PEDS1: variants seen among roughly 807,000 people sequenced by gnomAD.
PEDS1 encodes CarF homolog.
In PEDS1, 14 loss-of-function variants were observed where a neutral mutation model predicts 35.2. That is an observed-to-expected ratio of 0.40 (90% CI 0.26 to 0.62). The LOEUF is 0.62. Ranked by LOEUF, PEDS1 falls within the 20% of genes least tolerant of loss-of-function variation. The probability of loss-of-function intolerance (pLI) is 0.44; values close to 1 mark genes in which losing one functional copy is unlikely to be tolerated. For synonymous variants in PEDS1, 152 were observed against 152.0 expected, an observed-to-expected ratio of 1.00 and a Z score of 0.00; for missense variants, 260 against 367.8, an observed-to-expected ratio of 0.71 and a Z score of 2.40.
rs2081171897 is a variant in PEDS1 at position 50,130,956 on chromosome 20, A to G, written c.242-9T>C. ...AATGAGAGCCCCTGCAACTGTGGAC[A>G]AGAGGGTGAGTGAAGGGACATCCCT... On this transcript the variant is annotated splice_polypyrimidine_tract_variant and intron_variant, in intron 2 of 5. Transcript: ENST00000371652. 6.2e-7 allele frequency: 1 copy of G among 1,614,076 alleles called. No homozygotes were observed. Among genetic ancestry groups the G allele is most frequent in the Non-Finnish European group, 8.5e-7 (1 of 1,180,030 alleles).
At chr20:50,145,422 C>T (rs1333886109) in intron 1 of PEDS1, among the ~76,000 whole-genome samples, 1 of 150,360 alleles carries the variant, frequency 6.7e-6, no homozygotes, top group Non-Finnish European at 1.5e-5. Context: ...AGGCCGGGTG[C>T]AGTGTTTCAC....
At chr20:50,146,034 C>T (rs970762533) in intron 1 of PEDS1, among the ~76,000 whole-genome samples, 13 of 152,198 alleles carry the variant, frequency 8.5e-5, no homozygotes, top group Non-Finnish European at 1.8e-4. Flanking sequence ...TGGTCCCTCC[C>T]TCTATTCCCC....
chr20:50,135,434 G>A (rs899565134), intron 2 of PEDS1, among the ~76,000 whole-genome samples: 1 of 151,956 alleles, frequency 6.6e-6, no homozygotes, highest in Non-Finnish European at 1.5e-5. Flanking sequence ...CGAGGCAAGC[G>A]GATCGCCTGA....
rs2081139447 is a variant in PEDS1 at position 50,128,669 on chromosome 20, G to A, written c.479-482C>T. On this transcript the variant is annotated intron_variant, in intron 4 of 5. Coordinates refer to ENST00000371652, the MANE Select transcript of PEDS1 (RefSeq NM_199129.4). The surrounding 1 kb of genome is among the most constrained non-coding windows in gnomAD (Gnocchi z 5.2). ...GAAGGGAGGGAGGGAAGCAAGACAC[G>A]GCAGGGGAAGAGCAGAGCAAAGATG... Among the ~76,000 whole-genome samples the A allele has an allele frequency of 6.6e-6, 1 of 152,190 alleles. No individual in the cohort carries two copies. Among genetic ancestry groups the A allele is most frequent in the African/African-American group, 2.4e-5 (1 of 41,448 alleles).
intron 3 of PEDS1, 101 bp downstream of exon 3, chr20:50,130,755 T>A (rs922846481): frequency 1.4e-6 from 2 of 1,405,124 alleles, no homozygotes; most frequent in African/African-American, 2.8e-5. Flanking sequence ...ATGGTTCCCA[T>A]CTTTCAGATA....
intron 1 of PEDS1, among the ~76,000 whole-genome samples, chr20:50,145,777 A>C (rs1324712121): frequency 2.0e-5 from 3 of 152,246 alleles, no homozygotes; most frequent in African/African-American, 7.2e-5. Context: ...CAGCTGCTCC[A>C]TAAGGCACAG....
At chr20:50,126,050 T>A (rs566508481) in intron 5 of PEDS1, among the ~76,000 whole-genome samples, 1 of 152,282 alleles carries the variant, frequency 6.6e-6, no homozygotes, top group Non-Finnish European at 1.5e-5. Context: ...TTTATAGCCT[T>A]TATGATAACC....
In PEDS1 at chr20:50,121,618, T is replaced by C. The variant is rs1215837545; in HGVS notation, c.*3440A>G. On this transcript the variant is annotated 3_prime_UTR_variant, in exon 6 of 6. Coordinates refer to ENST00000371652, the MANE Select transcript of PEDS1 (RefSeq NM_199129.4). Reference sequence around the variant, plus strand: ...GTTTGCAAGTCCCTGATCTCACAAGTGGCCCCAACACTCTCAGACCCAATG... The same window carrying C: ...GTTTGCAAGTCCCTGATCTCACAAGCGGCCCCAACACTCTCAGACCCAATG... 6.6e-6 allele frequency: 1 copy of C among 152,170 alleles called. No individual in the cohort carries two copies. The highest frequency in any genetic ancestry group is 6.6e-5 in the Admixed American group (1 of 15,262). The allele number at this position is 152,170 out of a possible 1,614,324, so 9.4% of individuals were successfully genotyped here.
rs1392845085 is a variant in PEDS1, at chr20:50,118,520, A to C, written c.*6538T>G. The C allele has an allele frequency of 6.6e-6, 1 of 152,256 alleles. No individual in the cohort carries two copies. Among genetic ancestry groups the C allele is most frequent in the East Asian group, 1.9e-4 (1 of 5,200 alleles). 9.4% of individuals were successfully genotyped at this position (152,256 alleles called of 1,614,324 possible). ...CAAGAAAAATAGGAAAAGGACATGA[A>C]CAGATGAGGAAATGCAAATGCATTT... On this transcript the variant is annotated 3_prime_UTR_variant, in exon 6 of 6. Transcript: ENST00000371652.
intron 3 of PEDS1, among the ~76,000 whole-genome samples, chr20:50,130,023 A>G (rs534746695): frequency 1.3e-5 from 2 of 152,030 alleles, no homozygotes; most frequent in Non-Finnish European, 2.9e-5. Flanking sequence ...CCTCTAAGTA[A>G]AAGGTGGGAC....
At position 50,153,712 on chromosome 20, in the gene PEDS1, A is replaced by G. The variant is rs2081432157; in HGVS notation, c.-75T>C. The G allele has an allele frequency of 1.7e-6, 2 of 1,145,698 alleles. No homozygotes were observed. The highest frequency in any genetic ancestry group is 2.1e-6 in the Non-Finnish European group (2 of 933,602). 71.0% of individuals were successfully genotyped at this position (1,145,698 alleles called of 1,614,324 possible). A position where few individuals can be genotyped will look rare whatever the true frequency, so the allele number is the denominator to read the frequency against. On this transcript the variant is annotated 5_prime_UTR_variant, in exon 1 of 6. Transcript: ENST00000371652. ...AGGGCCGCGGAACCGCGGCGAGATC[A>G]CGCCGCCCAATGACCGCCCAGCGCC...
intron 5 of PEDS1, 58 bp downstream of exon 5, chr20:50,127,917 G>A (rs1201621322): frequency 1.5e-5 from 24 of 1,581,180 alleles, no homozygotes; most frequent in Admixed American, 7.3e-5. Flanking sequence ...TCCTGACCTC[G>A]AAGATGGTGC....
rs1326127134 is a variant in PEDS1, at chr20:50,122,849, T to G, written c.*2209A>C. 2 of 151,686 alleles carry G rather than the reference T, an allele frequency of 1.3e-5. No individual in the cohort carries two copies. The highest frequency in any genetic ancestry group is 4.9e-5 in the African/African-American group (2 of 41,230). 9.4% of individuals were successfully genotyped at this position (151,686 alleles called of 1,614,324 possible). On this transcript the variant is annotated 3_prime_UTR_variant, in exon 6 of 6. Transcript: ENST00000371652. ...CGGTGCAGTGGCTCATACCTAAAAT[T>G]CCAGCACTTTGGAAGGCCAAGGCGG...
In PEDS1 at chr20:50,143,101, C is replaced by T. The variant is rs6020289; in HGVS notation, c.241+401G>A. On this transcript the variant is annotated intron_variant, in intron 2 of 5. Transcript: ENST00000371652. Reference sequence around the variant, plus strand: ...TCCAGCTAGCCATGTGGAGACTGGACGGTGCAGGGCAAAGGTGAAGGCAGG... The same window carrying T: ...TCCAGCTAGCCATGTGGAGACTGGATGGTGCAGGGCAAAGGTGAAGGCAGG... Among the ~76,000 whole-genome samples, 218 of 152,024 alleles carry T rather than the reference C, an allele frequency of 1.4e-3. 2 individuals carry two copies. Among genetic ancestry groups the T allele is most frequent in the African/African-American group, 5.0e-3 (208 of 41,456 alleles).
At position 50,137,732 on chromosome 20, in the gene PEDS1, G is replaced by A. The variant is rs994492944; in HGVS notation, c.241+5770C>T. ...CTAAAAACGCAAAAATTAGCCGGGC[G>A]TGCTGGCGCGCGCTTGTAGTCCCAG... is the stretch of plus-strand genomic sequence containing the variant. On this transcript the variant is annotated intron_variant, in intron 2 of 5. Transcript: ENST00000371652. Among the ~76,000 whole-genome samples the A allele has an allele frequency of 1.1e-4, 16 of 152,204 alleles. 1 individual carries two copies. Among genetic ancestry groups the A allele is most frequent in the Admixed American group, 9.8e-4 (15 of 15,290 alleles).
chr20:50,150,823 G>C (rs949841663), intron 1 of PEDS1, among the ~76,000 whole-genome samples: 2 of 152,098 alleles, frequency 1.3e-5, no homozygotes, highest in Non-Finnish European at 2.9e-5. Flanking sequence ...AGCCTCCTGA[G>C]TAGGTGGGAT....
chr20:50,149,019 G>A (rs1175611620), intron 1 of PEDS1, among the ~76,000 whole-genome samples: 1 of 152,038 alleles, frequency 6.6e-6, no homozygotes, highest in Non-Finnish European at 1.5e-5. Flanking sequence ...AGGCTGAGGC[G>A]GGAGGATCAT....
Position 50,122,304 on chromosome 20 carries a change from G to A in PEDS1, c.*2754C>T, listed in dbSNP as rs2081058300. 1 of 152,192 alleles carries A rather than the reference G, an allele frequency of 6.6e-6. No homozygotes were observed. Among genetic ancestry groups the A allele is most frequent in the African/African-American group, 2.4e-5 (1 of 41,434 alleles). 9.4% of individuals were successfully genotyped at this position (152,192 alleles called of 1,614,324 possible). A position where few individuals can be genotyped will look rare whatever the true frequency, so the allele number is the denominator to read the frequency against. ...TACTTTAAATTTCTGTCATTTATGA[G>A]TTGTCGAATTCTAACACCCTTCCTT... On this transcript the variant is annotated 3_prime_UTR_variant, in exon 6 of 6. Coordinates refer to ENST00000371652, the MANE Select transcript of PEDS1 (RefSeq NM_199129.4).
At chr20:50,140,014 C>G (rs1370094830) in intron 2 of PEDS1, among the ~76,000 whole-genome samples, 1 of 152,176 alleles carries the variant, frequency 6.6e-6, no homozygotes, top group African/African-American at 2.4e-5. Flanking sequence ...CTTAGCTCAA[C>G]AGCGGCCATC....
Sources: allele counts gnomAD v4.1 joint callset (sites outside exome capture counted in the v4.1 genomes callset), GRCh38; gene constraint gnomAD v4.1.1; non-coding constraint Gnocchi (gnomAD v3.1); transcripts MANE v1.5; gene names NCBI Gene and HGNC (gene_info 2026-07-23, HGNC 2026-07-21).